The following PCDHGB3 variants were observed in gnomAD, a reference collection of about 807,000 sequenced individuals.
PCDHGB3 encodes the protein protocadherin gamma subfamily B, 3.
A neutral mutation model predicts 59.2 loss-of-function variants in PCDHGB3; 40 were observed. The observed-to-expected ratio is 0.68, with a 90% CI of 0.52 to 0.88. The LOEUF (loss-of-function observed/expected upper bound fraction) is 0.88, where lower values mean the gene tolerates loss of function less well. Among genes scored for constraint, PCDHGB3 ranks in the 40% least tolerant of loss-of-function variants. The probability of loss-of-function intolerance (pLI) is 0.00; values close to 1 mark genes in which losing one functional copy is unlikely to be tolerated. For missense variants in PCDHGB3, 1,309 were observed against 1,187.9 expected (o/e 1.10, Z -1.50); for synonymous variants, 581 against 503.6 (o/e 1.15, Z -2.06).
intron 2 of PCDHGB3, 57 bp downstream of exon 2, chr5:141,494,922 C>G: frequency 6.2e-7 from 1 of 1,613,670 alleles, no homozygotes; most frequent in Admixed American, 1.7e-5. Context: ...TCAGGGATGA[C>G]GTGGGAGGAG....
At chr5:141,481,607 C>A (rs2099540195) in intron 1 of PCDHGB3, among the ~76,000 whole-genome samples, 1 of 152,158 alleles carries the variant, frequency 6.6e-6, no homozygotes, top group Admixed American at 6.5e-5. Flanking sequence ...CACCTGAGGC[C>A]AGGAGTTCAA....
In PCDHGB3 at chr5:141,476,466, A is replaced by C. The variant is rs771760524; in HGVS notation, c.2416-18341A>C. The C allele has an allele frequency of 6.2e-7, 1 of 1,613,996 alleles. No individual in the cohort carries two copies. Reference sequence around the variant, plus strand: ...GAGTTGGTAGTGGAGAACCCGCTGGAGCTGTTCAGCGTGGAAGTGGTGATC... The same window carrying C: ...GAGTTGGTAGTGGAGAACCCGCTGGCGCTGTTCAGCGTGGAAGTGGTGATC... On this transcript the variant is annotated intron_variant, in intron 1 of 3. Transcript: ENST00000576222. This position sits in a 1 kb window ranked among gnomAD's most constrained non-coding sequence, Gnocchi z 7.6.
chr5:141,403,026 AGGCCAG>A, intron 1 of PCDHGB3: 1 of 1,614,074 alleles, frequency 6.2e-7, no homozygotes, highest in Non-Finnish European at 8.5e-7. Context: ...ATGCTATGGG[AGGCCAG>A]GGCCAGTCAG....
chr5:141,389,281 G>A (rs768749414), intron 1 of PCDHGB3: 3 of 1,614,012 alleles, frequency 1.9e-6, no homozygotes, highest in South Asian at 2.2e-5. Context: ...AACCCGCCTG[G>A]AGCCTCTATT....
At chr5:141,444,864 A>G (rs1304165078) in intron 1 of PCDHGB3, among the ~76,000 whole-genome samples, 1 of 152,210 alleles carries the variant, frequency 6.6e-6, no homozygotes, top group African/African-American at 2.4e-5. Context: ...GTCTTACTAC[A>G]GGACAAAGCT....
intron 1 of PCDHGB3, chr5:141,388,443 G>A (rs1242973473): frequency 5.0e-6 from 8 of 1,613,872 alleles, no homozygotes; most frequent in Non-Finnish European, 6.8e-6. Flanking sequence ...AGAGAAATCA[G>A]ATGGCAGTAA....
intron 1 of PCDHGB3, among the ~76,000 whole-genome samples, chr5:141,464,689 TATTATGA>T (rs1378742227): frequency 4.6e-5 from 7 of 152,182 alleles, no homozygotes; most frequent in Admixed American, 2.6e-4. Context: ...AAATTTCTCT[TATTATGA>T]ATGAGGTTAA....
Position 141,510,942 on chromosome 5 carries a change from T to C in PCDHGB3, c.2564-5T>C, listed in dbSNP as rs769766039. On this transcript the variant is annotated splice_region_variant and splice_polypyrimidine_tract_variant and intron_variant, in intron 3 of 3. Transcript: ENST00000576222. ...CTCCCACCTGATCTTCCTCTGTCTCTGCAGAAGCTGCTGATGGGAGCTCCA... is the reference window on the plus strand; with the variant it reads ...CTCCCACCTGATCTTCCTCTGTCTCCGCAGAAGCTGCTGATGGGAGCTCCA... 5 of 1,613,984 alleles carry C rather than the reference T, an allele frequency of 3.1e-6. No homozygotes were observed. The highest frequency in any genetic ancestry group is 4.2e-6 in the Non-Finnish European group (5 of 1,180,014).
At chr5:141,382,862 C>T (rs1026124728) in intron 1 of PCDHGB3, 2 of 1,514,358 alleles carry the variant, frequency 1.3e-6, no homozygotes, top group Non-Finnish European at 1.8e-6. Context: ...TGAAGCACTT[C>T]CCGAGATCGG....
chr5:141,432,538 G>C lies in PCDHGB3; in HGVS notation c.2415+59729G>C, dbSNP rs200601557. The C allele has an allele frequency of 2.5e-5, 40 of 1,614,026 alleles. No individual in the cohort carries two copies. The highest frequency in any genetic ancestry group is 1.5e-4 in the Admixed American group (9 of 60,032). On this transcript the variant is annotated intron_variant, in intron 1 of 3. Coordinates refer to ENST00000576222, the MANE Select transcript of PCDHGB3 (RefSeq NM_018924.5). This position sits in a 1 kb window ranked among gnomAD's most constrained non-coding sequence, Gnocchi z 6.0. ...GCTACCTGGTGACCAAGGTGGTGGC[G>C]GTGGACAGAGACTCCGGCCAGAACG...
In PCDHGB3 at chr5:141,370,863, G is replaced by A. The variant is rs755596039; in HGVS notation, c.469G>A (p.Ala157Thr). Residue 157 changes from alanine to threonine, a missense_variant, in exon 1 of 4, where the codon GCG becomes ACG. Ala to Thr is a moderately conservative substitution (Grantham distance 58). Transcript: ENST00000576222. ...TGGAGCCACATTTGCCCTGGAATCT[G>A]CGCAAGATCCTGATGTAGGTGTCAA... ...LTGATFALES[A>T]QDPDVGVNSL... is the part of the protein sequence containing the mutation. 1 of 1,614,050 alleles carries A rather than the reference G, an allele frequency of 6.2e-7. No individual in the cohort carries two copies. The highest frequency in any genetic ancestry group is 8.5e-7 in the Non-Finnish European group (1 of 1,179,908).
At chr5:141,383,565 A>G (rs1306554654) in intron 1 of PCDHGB3, 5 of 1,613,204 alleles carry the variant, frequency 3.1e-6, no homozygotes, top group Non-Finnish European at 4.2e-6. Flanking sequence ...ACCCGCCCCG[A>G]TCCAGCACCG....
intron 1 of PCDHGB3, chr5:141,412,854 A>T (rs1356959630): frequency 4.5e-6 from 1 of 223,412 alleles, no homozygotes; most frequent in African/African-American, 2.3e-5. Context: ...GAGAAACCAA[A>T]GAATCTATGT....
intron 1 of PCDHGB3, among the ~76,000 whole-genome samples, chr5:141,470,268 G>A (rs1349444076): frequency 6.6e-6 from 1 of 152,082 alleles, no homozygotes; most frequent in East Asian, 1.9e-4. Flanking sequence ...GGAGATACAT[G>A]TTTGTTTGAT....
intron 1 of PCDHGB3, chr5:141,410,627 TTC>T: frequency 6.2e-7 from 1 of 1,602,046 alleles, no homozygotes; most frequent in Admixed American, 1.7e-5. Flanking sequence ...TTCGGTGAGT[TTC>T]TCTTTTTTGT....
chr5:141,417,414 A>G (rs1255289735), intron 1 of PCDHGB3: 1 of 157,986 alleles, frequency 6.3e-6, no homozygotes, highest in Non-Finnish European at 1.4e-5. Flanking sequence ...TTCAAGATAT[A>G]TGTAAATTCA....
At position 141,431,280 on chromosome 5, in the gene PCDHGB3, C is replaced by G; in HGVS notation, c.2415+58471C>G. ...TCTCTGCAGAGCTACGAGCTCAGCC[C>G]GAACACTCACTTCTCCCTCATCGTG... On this transcript the variant is annotated intron_variant, in intron 1 of 3. Transcript: ENST00000576222. This position sits in a 1 kb window ranked among gnomAD's most constrained non-coding sequence, Gnocchi z 4.8. The G allele has an allele frequency of 6.2e-7, 1 of 1,614,146 alleles. No homozygotes were observed. The highest frequency in any genetic ancestry group is 8.5e-7 in the Non-Finnish European group (1 of 1,180,040).
rs770788893 is a variant in PCDHGB3 at position 141,403,151 on chromosome 5, G to T, written c.2415+30342G>T. On this transcript the variant is annotated intron_variant, in intron 1 of 3. Coordinates refer to ENST00000576222, the MANE Select transcript of PCDHGB3 (RefSeq NM_018924.5). ...GCTGGCGGAGCGCCGAGTCCGCATC[G>T]TCTCTAGAGGTAGGACGCAGCTTTT... 1.3e-5 allele frequency: 21 copies of T among 1,613,914 alleles called. No individual in the cohort carries two copies. In the Admixed American group the frequency reaches 3.5e-4, roughly 27 times the overall value.
At chr5:141,494,965 C>T in intron 2 of PCDHGB3, 100 bp downstream of exon 2, 1 of 1,592,636 alleles carries the variant, frequency 6.3e-7, no homozygotes, top group Non-Finnish European at 8.6e-7. Context: ...CTACAGATGG[C>T]TTCTCCCTCA....
Sources: gnomAD v4.1 joint callset for allele counts (sites outside exome capture counted in the v4.1 genomes callset) on GRCh38, gnomAD v4.1.1 for gene constraint, Gnocchi (gnomAD v3.1) non-coding constraint, MANE v1.5 for transcripts, NCBI Gene and HGNC (gene_info 2026-07-23, HGNC 2026-07-21) for gene names.